SCLT1: variants seen among roughly 807,000 people sequenced by gnomAD.
The protein encoded by SCLT1 is sodium channel-associated protein 1.
SCLT1 carries 78 observed loss-of-function variants against 112.8 expected under a neutral mutation model. The ratio of observed to expected loss-of-function variants is 0.69; its 90% CI spans 0.58 to 0.83. SCLT1 has a LOEUF of 0.83. Ranked by LOEUF, SCLT1 falls within the 40% of genes least tolerant of loss-of-function variation. The pLI is 0.00. For synonymous variants in SCLT1, 257 were observed against 254.7 expected, an observed-to-expected ratio of 1.01 and a Z score of -0.09; for missense variants, 747 against 770.4, an observed-to-expected ratio of 0.97 and a Z score of 0.36.
At chr4:128,896,827 A>G (rs913566822) in intron 18 of SCLT1, among the ~76,000 whole-genome samples, 5 of 152,208 alleles carry the variant, frequency 3.3e-5, no homozygotes, top group African/African-American at 1.2e-4. Context: ...AGAAGTCCTT[A>G]AAGGACCTGA....
At chr4:128,920,289 C>T (rs1048206663) in intron 18 of SCLT1, among the ~76,000 whole-genome samples, 1 of 152,116 alleles carries the variant, frequency 6.6e-6, no homozygotes, top group African/African-American at 2.4e-5. Context: ...GAACTAAAAA[C>T]AAAAATCACA....
rs368130002 is a variant in SCLT1, at chr4:129,043,416, A to G, written c.213T>C (p.Asn71=). Residue 71 remains asparagine (N), a synonymous_variant, in exon 4 of 21, where the codon AAT becomes AAC. Coordinates refer to ENST00000281142, the MANE Select transcript of SCLT1 (RefSeq NM_144643.4). The part of the protein sequence containing the change: ...TEYDKHLGEL[N]GQLKYYQKQV... ...ATACCTGGTAATATTTCAGCTGCCC[A>G]TTTAGTTCTCCTAGGTGTTTATCAT... 8 of 1,539,902 alleles carry G rather than the reference A, an allele frequency of 5.2e-6. No homozygotes were observed. In the African/African-American group the frequency reaches 8.3e-5, roughly 16 times the overall value.
chr4:128,984,078 T>C (rs1235573665), intron 9 of SCLT1, among the ~76,000 whole-genome samples: 2 of 152,220 alleles, frequency 1.3e-5, no homozygotes, highest in Non-Finnish European at 2.9e-5. Context: ...TGGAATACTG[T>C]CAGTAAATAT....
intron 18 of SCLT1, among the ~76,000 whole-genome samples, chr4:128,913,405 G>T (rs1735242677): frequency 6.6e-6 from 1 of 152,150 alleles, no homozygotes; most frequent in Non-Finnish European, 1.5e-5. Flanking sequence ...TGAAGTTATT[G>T]CCTAAAAGGG....
chr4:129,087,092 G>GC (rs1269957342), intron 1 of SCLT1, among the ~76,000 whole-genome samples: 1 of 152,114 alleles, frequency 6.6e-6, no homozygotes, highest in Non-Finnish European at 1.5e-5. Context: ...GGGAGGAAAT[G>GC]CAAGTGGAGA....
chr4:128,902,466 C>A (rs1007187606), intron 18 of SCLT1, among the ~76,000 whole-genome samples: 10 of 152,132 alleles, frequency 6.6e-5, no homozygotes, highest in Admixed American at 2.6e-4. Flanking sequence ...GTAGTGAAGA[C>A]TGTAAACAAT....
intron 18 of SCLT1, among the ~76,000 whole-genome samples, chr4:128,929,208 C>T (rs1736557401): frequency 6.6e-6 from 1 of 152,092 alleles, no homozygotes; most frequent in Non-Finnish European, 1.5e-5. Flanking sequence ...TTTCACATTT[C>T]TGTGTATAAA....
intron 20 of SCLT1, among the ~76,000 whole-genome samples, chr4:128,888,211 GTTT>G (rs1225748538): frequency 6.9e-6 from 1 of 144,096 alleles, no homozygotes. Context: ...TGTCTTTTCT[GTTT>G]TTTTTTTTTT....
intron 18 of SCLT1, among the ~76,000 whole-genome samples, chr4:128,928,546 A>C (rs1736485725): frequency 6.6e-6 from 1 of 152,150 alleles, no homozygotes. Flanking sequence ...AGCTTTTATA[A>C]AATTTAATAT....
At chr4:128,917,881 A>T (rs895203297) in intron 18 of SCLT1, among the ~76,000 whole-genome samples, 1 of 152,118 alleles carries the variant, frequency 6.6e-6, no homozygotes. Flanking sequence ...TCCATCGTTG[A>T]TCTGGCATCC....
intron 2 of SCLT1, among the ~76,000 whole-genome samples, chr4:129,070,809 T>A (rs1460072658): frequency 6.6e-6 from 1 of 152,172 alleles, no homozygotes; most frequent in Non-Finnish European, 1.5e-5. Context: ...TCCTTTGTTC[T>A]GCTGGGTTTG....
At chr4:128,954,051 T>G (rs970936648) in intron 13 of SCLT1, among the ~76,000 whole-genome samples, 17 of 152,050 alleles carry the variant, frequency 1.1e-4, no homozygotes, top group African/African-American at 3.4e-4. Context: ...TCATCAGGAT[T>G]TCGCTATGAC....
chr4:129,038,962 G>A (rs1337623454), intron 5 of SCLT1, 79 bp downstream of exon 5: 3 of 863,074 alleles, frequency 3.5e-6, no homozygotes, highest in East Asian at 5.3e-5. Context: ...TAATACTATA[G>A]CTATCAAATA....
At chr4:128,975,524 A>G (rs1030950177) in intron 9 of SCLT1, among the ~76,000 whole-genome samples, 1 of 152,146 alleles carries the variant, frequency 6.6e-6, no homozygotes, top group African/African-American at 2.4e-5. Flanking sequence ...ACAAATTTTT[A>G]TGTTTCTTCC....
intron 7 of SCLT1, 21 bp downstream of exon 7, chr4:128,999,651 A>G (rs760359177): frequency 6.3e-7 from 1 of 1,590,250 alleles, no homozygotes; most frequent in South Asian, 1.1e-5. Context: ...TATACAAGAA[A>G]ATGATGAAAT....
At chr4:129,076,658 C>T (rs951973106) in intron 2 of SCLT1, among the ~76,000 whole-genome samples, 1 of 151,032 alleles carries the variant, frequency 6.6e-6, no homozygotes, top group Non-Finnish European at 1.5e-5. Flanking sequence ...TTCAATTAGC[C>T]TGGGTATGAA....
rs117046060 is a variant in SCLT1, at chr4:128,923,137, C to A, written c.1829+13518G>T. 2.3e-3 allele frequency among the ~76,000 whole-genome samples: 343 copies of A among 152,212 alleles called. 7 individuals are homozygous for A. The East Asian group carries it at 0.055, about 24-fold the overall frequency. On this transcript the variant is annotated intron_variant, in intron 18 of 20. Transcript: ENST00000281142. ...CTGACAAAAGCATACACTCATGTAACCACCGCTGCAATTAAGATACAGAAT... is the reference window on the plus strand; with the variant it reads ...CTGACAAAAGCATACACTCATGTAAACACCGCTGCAATTAAGATACAGAAT...
chr4:128,972,835 T>A (rs1442300779), intron 9 of SCLT1, among the ~76,000 whole-genome samples: 1 of 152,198 alleles, frequency 6.6e-6, no homozygotes, highest in South Asian at 2.1e-4. Flanking sequence ...AAAAAAATTA[T>A]CTAGTAATAA....
chr4:129,033,502 TAAAAAAAAA>T (rs56325033), intron 5 of SCLT1, among the ~76,000 whole-genome samples: 634 of 44,364 alleles, frequency 0.014, 11 homozygotes, highest in African/African-American at 0.047. Flanking sequence ...GAACTTAAAG[TAAAAAAAAA>T]AAAAAAAAAA....
Sources: gnomAD v4.1 joint callset for allele counts (sites outside exome capture counted in the v4.1 genomes callset) on GRCh38, gnomAD v4.1.1 for gene constraint, MANE v1.5 for transcripts, NCBI Gene and HGNC (gene_info 2026-07-23, HGNC 2026-07-21) for gene names.